The following NETO1 variants were observed in gnomAD, a reference collection of about 807,000 sequenced individuals.
The protein encoded by NETO1 is neuropilin and tolloid-like protein 1.
A neutral mutation model predicts 61.3 loss-of-function variants in NETO1; 26 were observed. The observed-to-expected ratio is 0.42, with a 90% CI of 0.31 to 0.59. The LOEUF is 0.59. NETO1 is among the 20% of genes least tolerant of loss of function. The probability of loss-of-function intolerance (pLI) is 0.12; values close to 1 mark genes in which losing one functional copy is unlikely to be tolerated. For missense variants in NETO1, 531 were observed against 662.8 expected, an observed-to-expected ratio of 0.80 and a Z score of 2.18; for synonymous variants, 225 against 225.8, an observed-to-expected ratio of 1.00 and a Z score of 0.03.
chr18:72,789,125 T>A (rs1333268939), intron 6 of NETO1, among the ~76,000 whole-genome samples: 1 of 152,080 alleles, frequency 6.6e-6, no homozygotes, highest in African/African-American at 2.4e-5. Context: ...ATGTAGAATA[T>A]TCCGTTTGGA....
rs975338055 is a variant in NETO1 at position 72,830,286 on chromosome 18, A to T, written c.469+28540T>A. 4.6e-5 allele frequency among the ~76,000 whole-genome samples: 7 copies of T among 152,228 alleles called. No homozygotes were observed. Among genetic ancestry groups the T allele is most frequent in the Non-Finnish European group, 5.9e-5 (4 of 68,004 alleles). On this transcript the variant is annotated intron_variant, in intron 4 of 10. Transcript: ENST00000327305. This position sits in a 1 kb window ranked among gnomAD's most constrained non-coding sequence, Gnocchi z 4.9. ...CGAGAGTAGGCATGGTGCTAACAAA[A>T]TTGGCAAAGGCTGTTGAGGCTGCAG...
At chr18:72,790,879 T>C (rs928648886) in intron 6 of NETO1, among the ~76,000 whole-genome samples, 13 of 152,148 alleles carry the variant, frequency 8.5e-5, no homozygotes, top group African/African-American at 3.1e-4. Context: ...TATCTGGAGA[T>C]AAATATGGTC....
At chr18:72,838,564 C>T (rs1045242727) in intron 4 of NETO1, among the ~76,000 whole-genome samples, 2 of 152,146 alleles carry the variant, frequency 1.3e-5, no homozygotes, top group Non-Finnish European at 2.9e-5. Context: ...CAGGCTCCTC[C>T]GCCCAGACTC....
chr18:72,846,504 CA>C (rs35252443), intron 4 of NETO1, among the ~76,000 whole-genome samples: 1,024 of 12,634 alleles, frequency 0.081, no homozygotes, highest in Middle Eastern at 0.25. Context: ...GACTTCATCT[CA>C]AAAAAAAAAA....
chr18:72,800,746 T>C (rs9961314), intron 4 of NETO1, among the ~76,000 whole-genome samples: 58,121 of 151,976 alleles, frequency 0.38, 11,573 homozygotes, highest in Middle Eastern at 0.54. Context: ...CCTCTCTATC[T>C]AGGACCTAGA....
chr18:72,831,224 T>C (rs1012954308), intron 4 of NETO1, among the ~76,000 whole-genome samples: 27 of 152,194 alleles, frequency 1.8e-4, no homozygotes, highest in Non-Finnish European at 4.0e-4. Flanking sequence ...ACCACCTCCA[T>C]ACCAGTGACT....
chr18:72,835,802 TCCACGTGTC>T (rs2073726558), intron 4 of NETO1, among the ~76,000 whole-genome samples: 2 of 152,226 alleles, frequency 1.3e-5, no homozygotes. Context: ...TGTATATTCT[TCCACGTGTC>T]GACACTATAA....
intron 4 of NETO1, among the ~76,000 whole-genome samples, chr18:72,838,924 T>C (rs192298443): frequency 1.0e-3 from 156 of 152,264 alleles, no homozygotes; most frequent in Middle Eastern, 3.4e-3. Context: ...ACAGGGAAAA[T>C]TAAACTCTGC....
intron 4 of NETO1, among the ~76,000 whole-genome samples, chr18:72,828,975 A>C (rs1224549211): frequency 8.5e-5 from 13 of 152,340 alleles, no homozygotes; most frequent in Non-Finnish European, 1.5e-4. Flanking sequence ...TTCTAAAAAA[A>C]AAATCTTAAG....
At chr18:72,856,434 G>A (rs923880413) in intron 4 of NETO1, among the ~76,000 whole-genome samples, 5 of 152,148 alleles carry the variant, frequency 3.3e-5, no homozygotes, top group African/African-American at 1.2e-4. Context: ...TACCAAGCAT[G>A]CTTTGTTTTT....
At chr18:72,770,208 T>A (rs949007277) in intron 7 of NETO1, among the ~76,000 whole-genome samples, 2 of 152,168 alleles carry the variant, frequency 1.3e-5, no homozygotes, top group East Asian at 3.9e-4. Context: ...ATTATGCACA[T>A]TTTGGCCCCA....
chr18:72,742,501 T>C (rs987850852), downstream of NETO1: 1 of 152,208 alleles, frequency 6.6e-6, no homozygotes, highest in African/African-American at 2.4e-5. Flanking sequence ...CAATGAATGG[T>C]CATTTGAACC....
intron 7 of NETO1, among the ~76,000 whole-genome samples, chr18:72,757,897 A>G (rs2070836805): frequency 6.6e-6 from 1 of 152,166 alleles, no homozygotes; most frequent in South Asian, 2.1e-4. Flanking sequence ...TGGTTGTAAA[A>G]TGCTTTTGTA....
rs139299358 is a variant in NETO1 at position 72,752,777 on chromosome 18, A to G, written c.983-2157T>C. On this transcript the variant is annotated intron_variant, in intron 8 of 10. Coordinates refer to ENST00000327305, the MANE Select transcript of NETO1 (RefSeq NM_138966.5). The stretch of plus-strand genomic sequence containing the variant: ...ACTGAAGAAGCTAAAGAAAATGAGG[A>G]CAATGCTCATCAAATAGAGAATATT... 1.4e-3 allele frequency among the ~76,000 whole-genome samples: 218 copies of G among 152,296 alleles called. 1 individual carries two copies. Among genetic ancestry groups the G allele is most frequent in the African/African-American group, 5.1e-3 (214 of 41,564 alleles).
intron 6 of NETO1, among the ~76,000 whole-genome samples, chr18:72,793,152 G>A (rs1457873527): frequency 6.6e-6 from 1 of 152,092 alleles, no homozygotes; most frequent in Non-Finnish European, 1.5e-5. Context: ...GAGTGCTTGC[G>A]ACTTTATAGA....
chr18:72,800,368 C>T (rs2072464396), intron 4 of NETO1, among the ~76,000 whole-genome samples: 1 of 152,144 alleles, frequency 6.6e-6, no homozygotes, highest in Admixed American at 6.5e-5. Context: ...AAGCCTGCTT[C>T]CACTTCCTAC....
chr18:72,847,233 T>A (rs912553343), intron 4 of NETO1, among the ~76,000 whole-genome samples: 1 of 152,250 alleles, frequency 6.6e-6, no homozygotes, highest in African/African-American at 2.4e-5. Flanking sequence ...CGTGGGCACA[T>A]GCCCTGCTGA....
intron 9 of NETO1, among the ~76,000 whole-genome samples, chr18:72,749,855 C>T (rs1423338917): frequency 6.6e-6 from 1 of 151,826 alleles, no homozygotes; most frequent in Non-Finnish European, 1.5e-5. Flanking sequence ...TGTGTTCACA[C>T]ACATACATAT....
chr18:72,849,949 C>T (rs1369656787), intron 4 of NETO1, among the ~76,000 whole-genome samples: 3 of 152,232 alleles, frequency 2.0e-5, no homozygotes, highest in African/African-American at 7.2e-5. Flanking sequence ...CCGATCCTGA[C>T]CCTACTGCCT....
Sources: gnomAD v4.1 joint callset for allele counts (sites outside exome capture counted in the v4.1 genomes callset) on GRCh38, gnomAD v4.1.1 for gene constraint, Gnocchi (gnomAD v3.1) non-coding constraint, MANE v1.5 for transcripts, NCBI Gene and HGNC (gene_info 2026-07-23, HGNC 2026-07-21) for gene names.